REPS1: variants seen among roughly 807,000 people sequenced by gnomAD.
REPS1 encodes the protein RALBP1 associated Eps domain containing 1.
REPS1 carries 39 observed loss-of-function variants against 100.9 expected under a neutral mutation model. That is an observed-to-expected ratio of 0.39 (90% CI 0.30 to 0.50). REPS1 has a LOEUF of 0.50. REPS1 is among the 20% of genes least tolerant of loss of function. REPS1 has a pLI of 0.86. For synonymous variants in REPS1, 324 were observed against 340.3 expected (o/e 0.95, Z 0.53); for missense variants, 821 against 968.5 (o/e 0.85, Z 2.02).
chr6:138,935,863 GGGGGGC>G (rs1279103525), intron 8 of REPS1, among the ~76,000 whole-genome samples: 2 of 116,650 alleles, frequency 1.7e-5, no homozygotes, highest in African/African-American at 6.4e-5. Context: ...TGGCGGGGGG[GGGGGGC>G]GCGGGGGAGT....
intron 8 of REPS1, among the ~76,000 whole-genome samples, chr6:138,935,474 A>G (rs1228068120): frequency 6.6e-6 from 1 of 152,218 alleles, no homozygotes; most frequent in African/African-American, 2.4e-5. Context: ...AATAAATACT[A>G]AAATTCCATA....
At chr6:138,942,393 A>T (rs889516167) in intron 7 of REPS1, among the ~76,000 whole-genome samples, 6 of 152,174 alleles carry the variant, frequency 3.9e-5, no homozygotes, top group Admixed American at 3.3e-4. Flanking sequence ...GAATATAGAG[A>T]AATAACATTG....
chr6:138,969,269 ATT>A (rs71013004), intron 1 of REPS1, among the ~76,000 whole-genome samples: 11 of 74,248 alleles, frequency 1.5e-4, no homozygotes, highest in East Asian at 5.1e-4. Flanking sequence ...CAAAGCTGTA[ATT>A]TTTTTTTTTT....
chr6:138,987,494 C>A, intron 1 of REPS1, 36 bp downstream of exon 1: 1 of 1,531,670 alleles, frequency 6.5e-7, no homozygotes, highest in Non-Finnish European at 8.8e-7. Context: ...TGACTGCAGG[C>A]CTAAGCCGCC....
At chr6:138,978,851 C>G (rs1293184052) in intron 1 of REPS1, among the ~76,000 whole-genome samples, 1 of 152,120 alleles carries the variant, frequency 6.6e-6, no homozygotes, top group Non-Finnish European at 1.5e-5. Context: ...TTCCTACTTG[C>G]GTCTGTAACC....
chr6:138,964,799 T>C (rs1218390261), intron 1 of REPS1, among the ~76,000 whole-genome samples: 1 of 152,082 alleles, frequency 6.6e-6, no homozygotes, highest in East Asian at 1.9e-4. Context: ...TATATACATA[T>C]TCTTCTTCCT....
intron 17 of REPS1, among the ~76,000 whole-genome samples, chr6:138,909,740 G>A (rs1188871): frequency 0.36 from 54,396 of 151,806 alleles, 11,773 homozygotes; most frequent in Admixed American, 0.51. Context: ...TTTGCCTTCC[G>A]CCATAAATGT....
At chr6:138,970,321 A>G (rs747913807) in intron 1 of REPS1, among the ~76,000 whole-genome samples, 18 of 152,152 alleles carry the variant, frequency 1.2e-4, no homozygotes, top group Non-Finnish European at 1.8e-4. Context: ...TCAGGACGTT[A>G]AAGACAGAGT....
chr6:138,907,341 G>T (rs1287802849), intron 19 of REPS1, 154 bp downstream of exon 19: 3 of 349,422 alleles, frequency 8.6e-6, no homozygotes, highest in Non-Finnish European at 1.7e-5. Context: ...TGTGTGTGTG[G>T]CGGGGAGGGG....
rs145983196 is a variant in REPS1, at chr6:138,951,338, T to C, written c.154-3425A>G. Among the ~76,000 whole-genome samples the C allele has an allele frequency of 1.1e-4, 17 of 152,282 alleles. 1 individual carries two copies. The highest frequency in any genetic ancestry group is 3.1e-4 in the African/African-American group (13 of 41,570). On this transcript the variant is annotated intron_variant, in intron 1 of 19. Transcript: ENST00000450536. ...TTTTGCACAGAAAACTAAAAGATCATAATTTTTCTCTTTGGTCCATTAATA... is the reference window on the plus strand; with the variant it reads ...TTTTGCACAGAAAACTAAAAGATCACAATTTTTCTCTTTGGTCCATTAATA...
In REPS1 at chr6:138,945,693, C is replaced by G. The variant is rs1422143567; in HGVS notation, c.282G>C (p.Lys94Asn). Residue 94 changes from lysine (K) to asparagine (N), a missense_variant, in exon 3 of 20, where the codon AAG (lysine) becomes AAC (asparagine). By Grantham distance (94) the Lys-to-Asn change is moderately conservative. Transcript: ENST00000450536. The part of the protein sequence containing the change: ...PLRVESINTV[K>N]DLPLPRFVAS... ...CAACAAATCTTGGCAGAGGAAGGTCCTTTACTGTTAACCACAAAATAATCA... is the reference window on the plus strand; with the variant it reads ...CAACAAATCTTGGCAGAGGAAGGTCGTTTACTGTTAACCACAAAATAATCA... 6.3e-7 allele frequency: 1 copy of G among 1,577,404 alleles called. No individual in the cohort carries two copies.
chr6:138,957,351 G>A (rs750862866), intron 1 of REPS1, among the ~76,000 whole-genome samples: 3 of 152,168 alleles, frequency 2.0e-5, no homozygotes, highest in Non-Finnish European at 4.4e-5. Context: ...ATGAGACTTA[G>A]CAGTAACACT....
intron 9 of REPS1, chr6:138,928,934 A>T (rs1781318380): frequency 6.6e-6 from 1 of 152,208 alleles, no homozygotes; most frequent in Non-Finnish European, 1.5e-5. Context: ...ATAATGTCTC[A>T]GACACAAGTA....
In REPS1 at chr6:138,915,989, C is replaced by T. The variant is rs1780350017; in HGVS notation, c.1602-13G>A. The T allele has an allele frequency of 6.3e-7, 1 of 1,580,720 alleles. No individual in the cohort carries two copies. The highest frequency in any genetic ancestry group is 8.7e-7 in the Non-Finnish European group (1 of 1,149,930). ...TCCTGAATGAGACCTGCAAAATTCA[C>T]CCCATGATAATTGGTCATACTACTG... On this transcript the variant is annotated splice_polypyrimidine_tract_variant and intron_variant, in intron 13 of 19. Transcript: ENST00000450536.
intron 1 of REPS1, among the ~76,000 whole-genome samples, chr6:138,980,280 T>G (rs1389352003): frequency 6.6e-6 from 1 of 152,214 alleles, no homozygotes; most frequent in Non-Finnish European, 1.5e-5. Flanking sequence ...TGCTTCCACT[T>G]GCCCCCAGTA....
chr6:138,959,207 C>G (rs561758647), intron 1 of REPS1, among the ~76,000 whole-genome samples: 1 of 152,090 alleles, frequency 6.6e-6, no homozygotes, highest in Non-Finnish European at 1.5e-5. Context: ...TGGTTAAGTG[C>G]ATAGTGAGGT....
rs78499509 is a variant in REPS1, at chr6:138,907,784, T to TA, written c.2217-185dup. On this transcript the variant is annotated intron_variant, in intron 18 of 19. Coordinates refer to ENST00000450536, the MANE Select transcript of REPS1 (RefSeq NM_001286611.2). ...TAAGCTTCAGCACTATAGGAAAGGT[T>TA]AAAAAAAAAAAAAGAAATTATTAAA... 7.9e-3 allele frequency among the ~76,000 whole-genome samples: 1,113 copies of TA among 141,278 alleles called. 4 individuals are homozygous for TA. The highest frequency in any genetic ancestry group is 0.026 in the Middle Eastern group (7 of 274). The allele number at this position is 141,278 out of a possible 152,430, so 92.7% of individuals were successfully genotyped here.
chr6:138,914,033 T>TA (rs1313832106), intron 15 of REPS1, among the ~76,000 whole-genome samples: 6 of 152,292 alleles, frequency 3.9e-5, no homozygotes, highest in African/African-American at 1.2e-4. Context: ...ACTCATGTGG[T>TA]AAACACATCC....
At chr6:138,932,901 T>C (rs895503546) in intron 8 of REPS1, among the ~76,000 whole-genome samples, 2 of 152,208 alleles carry the variant, frequency 1.3e-5, no homozygotes, top group Non-Finnish European at 2.9e-5. Flanking sequence ...GGAAAATGTA[T>C]ATCCACGTCC....
Sources: gnomAD v4.1 joint callset for allele counts (sites outside exome capture counted in the v4.1 genomes callset) on GRCh38, gnomAD v4.1.1 for gene constraint, MANE v1.5 for transcripts, NCBI Gene and HGNC (gene_info 2026-07-23, HGNC 2026-07-21) for gene names.